KIRREL3: variants seen among roughly 807,000 people sequenced by gnomAD.
KIRREL3 encodes kirre like nephrin family adhesion molecule 3.
A neutral mutation model predicts 89.7 loss-of-function variants in KIRREL3; 36 were observed. That is an observed-to-expected ratio of 0.40 (90% CI 0.31 to 0.53). The LOEUF is 0.53. Ranked by LOEUF, KIRREL3 falls within the 20% of genes least tolerant of loss-of-function variation. The pLI, the probability that KIRREL3 is intolerant of heterozygous loss-of-function variation, is 0.49. For missense variants in KIRREL3, 864 were observed against 1,056.6 expected (o/e 0.82, Z 2.53); for synonymous variants, 445 against 441.4 (o/e 1.01, Z -0.10).
chr11:126,663,248 C>T lies in KIRREL3; in HGVS notation c.56-100336G>A, dbSNP rs186639612. Among the ~76,000 whole-genome samples, 750 of 134,898 alleles carry T rather than the reference C, an allele frequency of 5.6e-3. 4 individuals carry two copies. The highest frequency in any genetic ancestry group is 0.02 in the African/African-American group (719 of 35,912). The allele number at this position is 134,898 out of a possible 152,430, so 88.5% of individuals were successfully genotyped here. A position where few individuals can be genotyped will look rare whatever the true frequency, so the allele number is the denominator to read the frequency against. ...TCACCCAGGCTGGAGTGCAGTGGCT[C>T]GATCTTCTTTCACCGCAAACTCTGC... is the stretch of plus-strand genomic sequence containing the variant. On this transcript the variant is annotated intron_variant, in intron 1 of 16. Transcript: ENST00000525144.
At position 126,892,928 on chromosome 11, in the gene KIRREL3, C is replaced by T. The variant is rs1260383358; in HGVS notation, c.55+107527G>A. 6.6e-6 allele frequency among the ~76,000 whole-genome samples: 1 copy of T among 152,196 alleles called. No homozygotes were observed. Among genetic ancestry groups the T allele is most frequent in the Non-Finnish European group, 1.5e-5 (1 of 68,042 alleles). On this transcript the variant is annotated intron_variant, in intron 1 of 16. Transcript: ENST00000525144. This position sits in a 1 kb window ranked among gnomAD's most constrained non-coding sequence, Gnocchi z 5.4. Reference sequence around the variant, plus strand: ...CTGGCATCCCTGCTGCAGAATCGGGCTAGGATAGGGCTGAGTATTCTAATT... The same window carrying T: ...CTGGCATCCCTGCTGCAGAATCGGGTTAGGATAGGGCTGAGTATTCTAATT...
At chr11:126,826,112 C>T (rs541628412) in intron 1 of KIRREL3, among the ~76,000 whole-genome samples, 1 of 152,126 alleles carries the variant, frequency 6.6e-6, no homozygotes, top group Non-Finnish European at 1.5e-5. Flanking sequence ...CACCCCATTA[C>T]GCTTGCCCCC....
In KIRREL3 at chr11:126,514,046, A is replaced by C. The variant is rs143597672; in HGVS notation, c.433+7269T>G. Among the ~76,000 whole-genome samples, 429 of 152,132 alleles carry C rather than the reference A, an allele frequency of 2.8e-3. 2 individuals carry two copies. Among genetic ancestry groups the C allele is most frequent in the African/African-American group, 9.4e-3 (390 of 41,506 alleles). On this transcript the variant is annotated intron_variant, in intron 4 of 16. Transcript: ENST00000525144. ...GGCCAAAGGGAGAAAGAGGAGGGGA[A>C]TCTGCTTCTGGCCCAGGGGACATGG...
intron 1 of KIRREL3, among the ~76,000 whole-genome samples, chr11:126,854,897 A>G (rs1944459719): frequency 1.3e-5 from 2 of 152,030 alleles, no homozygotes; most frequent in South Asian, 2.1e-4. Context: ...CTTTCTCTCT[A>G]CTTGGAATAA....
chr11:126,617,309 C>G (rs1364788943), intron 1 of KIRREL3, among the ~76,000 whole-genome samples: 1 of 152,238 alleles, frequency 6.6e-6, no homozygotes, highest in Non-Finnish European at 1.5e-5. Flanking sequence ...GGCCTCTTCT[C>G]TCTTATAACT....
At position 126,769,124 on chromosome 11, in the gene KIRREL3, T is replaced by A. The variant is rs1485597784; in HGVS notation, c.56-206212A>T. On this transcript the variant is annotated intron_variant, in intron 1 of 16. Coordinates refer to ENST00000525144, the MANE Select transcript of KIRREL3 (RefSeq NM_032531.4). This position sits in a 1 kb window ranked among gnomAD's most constrained non-coding sequence, Gnocchi z 4.3. ...GAGCTCTAAGTCAGGTATCTCTTCC[T>A]CTGTGAGGCTTCCCCTCTTCCCACA... Among the ~76,000 whole-genome samples, 1 of 152,200 alleles carries A rather than the reference T, an allele frequency of 6.6e-6. No individual in the cohort carries two copies. Among genetic ancestry groups the A allele is most frequent in the Non-Finnish European group, 1.5e-5 (1 of 68,036 alleles).
chr11:126,698,688 G>T (rs1378724827), intron 1 of KIRREL3, among the ~76,000 whole-genome samples: 1 of 152,268 alleles, frequency 6.6e-6, no homozygotes. Flanking sequence ...TGGTGGGGGA[G>T]TGTCTGTGGC....
chr11:126,519,944 C>A lies in KIRREL3; in HGVS notation c.433+1371G>T, dbSNP rs892856170. ...GCCATGGAATCCCAACTTATTTACCCCCGCTGGAACAGGTTTATTTTCTCA... is the reference window on the plus strand; with the variant it reads ...GCCATGGAATCCCAACTTATTTACCACCGCTGGAACAGGTTTATTTTCTCA... On this transcript the variant is annotated intron_variant, in intron 4 of 16. Transcript: ENST00000525144. This position sits in a 1 kb window ranked among gnomAD's most constrained non-coding sequence, Gnocchi z 4.3. Among the ~76,000 whole-genome samples, 3 of 152,136 alleles carry A rather than the reference C, an allele frequency of 2.0e-5. No homozygotes were observed. Among genetic ancestry groups the A allele is most frequent in the Non-Finnish European group, 4.4e-5 (3 of 68,034 alleles).
Position 126,603,996 on chromosome 11 carries a change from A to G in KIRREL3, c.56-41084T>C, listed in dbSNP as rs61109402. Among the ~76,000 whole-genome samples, 774 of 152,330 alleles carry G rather than the reference A, an allele frequency of 5.1e-3. 5 individuals carry two copies. Among genetic ancestry groups the G allele is most frequent in the African/African-American group, 0.018 (728 of 41,572 alleles). On this transcript the variant is annotated intron_variant, in intron 1 of 16. Coordinates refer to ENST00000525144, the MANE Select transcript of KIRREL3 (RefSeq NM_032531.4). ...GATGGCCAATCAGCCAAAGAATGCC[A>G]TAATTCACGTTATCCATTCACTTTT... is the stretch of plus-strand genomic sequence containing the variant.
chr11:126,536,722 G>A (rs541029982), intron 2 of KIRREL3, among the ~76,000 whole-genome samples: 20 of 139,054 alleles, frequency 1.4e-4, no homozygotes, highest in African/African-American at 4.0e-4. Flanking sequence ...CGGCTTCAGC[G>A]CAACCTCCGC....
intron 13 of KIRREL3, among the ~76,000 whole-genome samples, chr11:126,433,803 G>A (rs1181670638): frequency 6.6e-6 from 1 of 152,202 alleles, no homozygotes; most frequent in East Asian, 1.9e-4. Context: ...AGTTTCCTTG[G>A]AAAAACACAG....
Position 126,921,580 on chromosome 11 carries a change from TTCTATCTATCTATCTA to T in KIRREL3, c.55+78859_55+78874del, listed in dbSNP as rs201891981. 4.3e-4 allele frequency among the ~76,000 whole-genome samples: 14 copies of T among 32,506 alleles called. 1 individual carries two copies. Among genetic ancestry groups the T allele is most frequent in the African/African-American group, 2.2e-3 (11 of 4,948 alleles). 21.3% of individuals were successfully genotyped at this position (32,506 alleles called of 152,430 possible). A position where few individuals can be genotyped will look rare whatever the true frequency, so the allele number is the denominator to read the frequency against. ...ATCTATCAATCTATCTATATCTGTCTTCTATCTATCTATCTATCTATCTATCTATCTATCTATCTAT... is the reference window on the plus strand; with the variant it reads ...ATCTATCAATCTATCTATATCTGTCTTCTATCTATCTATCTATCTATCTAT... On this transcript the variant is annotated intron_variant, in intron 1 of 16. Coordinates refer to ENST00000525144, the MANE Select transcript of KIRREL3 (RefSeq NM_032531.4).
At position 126,797,644 on chromosome 11, in the gene KIRREL3, G is replaced by C. The variant is rs1212741509; in HGVS notation, c.55+202811C>G. On this transcript the variant is annotated intron_variant, in intron 1 of 16. Coordinates refer to ENST00000525144, the MANE Select transcript of KIRREL3 (RefSeq NM_032531.4). The surrounding 1 kb of genome is among the most constrained non-coding windows in gnomAD (Gnocchi z 4.9). ...GTGATGGGGCTTCTGATGGGGCCCT[G>C]GCAGCGGGAGTCTCAGCATCCAAGC... Among the ~76,000 whole-genome samples, 3 of 152,092 alleles carry C rather than the reference G, an allele frequency of 2.0e-5. No individual in the cohort carries two copies. The highest frequency in any genetic ancestry group is 7.2e-5 in the African/African-American group (3 of 41,408).
rs1955288711 is a variant in KIRREL3, at chr11:126,435,437, G to T, written c.1553-134C>A. 3.5e-6 allele frequency: 3 copies of T among 852,886 alleles called. No homozygotes were observed. The Admixed American group carries it at 6.0e-5, about 17-fold the overall frequency. The allele number at this position is 852,886 out of a possible 1,614,324, so 52.8% of individuals were successfully genotyped here. On this transcript the variant is annotated intron_variant, in intron 12 of 16. Transcript: ENST00000525144. ...GTCATGTCTCTGGGACCCCCCAACA[G>T]ATCCAGGCTAGCCCAGCTGAACTTG...
chr11:126,849,744 G>T (rs565186486), intron 1 of KIRREL3, among the ~76,000 whole-genome samples: 1 of 152,164 alleles, frequency 6.6e-6, no homozygotes, highest in Admixed American at 6.5e-5. Flanking sequence ...ACAGAAGGTG[G>T]AGACGGTGTG....
chr11:126,591,163 T>C (rs1339904853), intron 1 of KIRREL3, among the ~76,000 whole-genome samples: 2 of 151,848 alleles, frequency 1.3e-5, no homozygotes, highest in African/African-American at 4.8e-5. Context: ...GTGGAGGAGG[T>C]TGCAGTGAGC....
At position 126,562,721 on chromosome 11, in the gene KIRREL3, G is replaced by A; in HGVS notation, c.133+114C>T. The A allele has an allele frequency of 1.3e-6, 1 of 793,168 alleles. No homozygotes were observed. The highest frequency in any genetic ancestry group is 2.1e-6 in the Non-Finnish European group (1 of 481,826). 49.1% of individuals were successfully genotyped at this position (793,168 alleles called of 1,614,324 possible). A position where few individuals can be genotyped will look rare whatever the true frequency, so the allele number is the denominator to read the frequency against. On this transcript the variant is annotated intron_variant, in intron 2 of 16. Transcript: ENST00000525144. This position sits in a 1 kb window ranked among gnomAD's most constrained non-coding sequence, Gnocchi z 4.7. ...TGGAAACCAAACTGGTCTTCCCACTGTCCCCTTCTGAGAGGTCCCAGGTTC... is the reference window on the plus strand; with the variant it reads ...TGGAAACCAAACTGGTCTTCCCACTATCCCCTTCTGAGAGGTCCCAGGTTC...
intron 1 of KIRREL3, among the ~76,000 whole-genome samples, chr11:126,823,970 G>A (rs1278126909): frequency 6.6e-6 from 1 of 152,142 alleles, no homozygotes; most frequent in African/African-American, 2.4e-5. Flanking sequence ...GATTGTTCTG[G>A]ATTTGTTAGC....
In KIRREL3 at chr11:126,803,578, G is replaced by A. The variant is rs534995200; in HGVS notation, c.55+196877C>T. The stretch of plus-strand genomic sequence containing the variant: ...GTGTTAATAAAATACACAAATTATA[G>A]TATTTGGCTACTGTAGAATCAGATT... On this transcript the variant is annotated intron_variant, in intron 1 of 16. Transcript: ENST00000525144. Among the ~76,000 whole-genome samples, 6 of 152,056 alleles carry A rather than the reference G, an allele frequency of 3.9e-5. No homozygotes were observed. The South Asian group carries it at 6.2e-4, about 16-fold the overall frequency.
Sources: allele counts gnomAD v4.1 joint callset (sites outside exome capture counted in the v4.1 genomes callset), GRCh38; gene constraint gnomAD v4.1.1; non-coding constraint Gnocchi (gnomAD v3.1); transcripts MANE v1.5; gene names NCBI Gene and HGNC (gene_info 2026-07-23, HGNC 2026-07-21).